DNMT1: variants seen among roughly 807,000 people sequenced by gnomAD.
The protein encoded by DNMT1 is DNA (cytosine-5)-methyltransferase 1.
In DNMT1, 24 loss-of-function variants were observed where a neutral mutation model predicts 205.3. The observed-to-expected ratio is 0.12, with a 90% CI of 0.08 to 0.16. The LOEUF is 0.16. DNMT1 is among the 10% of genes least tolerant of loss of function. The probability of loss-of-function intolerance (pLI) is 1.00; values close to 1 mark genes in which losing one functional copy is unlikely to be tolerated. For synonymous variants in DNMT1, 817 were observed against 839.8 expected, an observed-to-expected ratio of 0.97 and a Z score of 0.47; for missense variants, 1,293 against 2,177.7, an observed-to-expected ratio of 0.59 and a Z score of 8.09.
chr19:10,174,117 T>G (rs1324038100), intron 7 of DNMT1, among the ~76,000 whole-genome samples: 4 of 152,164 alleles, frequency 2.6e-5, no homozygotes, highest in Non-Finnish European at 5.9e-5. Flanking sequence ...GTCCGAGAAG[T>G]AGGCAGGCAC....
intron 12 of DNMT1, 68 bp downstream of exon 12, chr19:10,163,258 C>T: frequency 6.4e-7 from 1 of 1,573,494 alleles, no homozygotes; most frequent in Non-Finnish European, 8.7e-7. Flanking sequence ...CAAGCCACCA[C>T]ACCTGGCCTA....
chr19:10,152,160 C>CAAAAAAAACAAAA (rs2038357353), intron 22 of DNMT1, among the ~76,000 whole-genome samples: 1 of 14,334 alleles, frequency 7.0e-5, no homozygotes, highest in East Asian at 2.8e-3. Context: ...AACTCCATCT[C>CAAAAAAAACAAAA]AAAAAAAAAA....
At chr19:10,141,901 G>T in intron 30 of DNMT1, 127 bp downstream of exon 30, 1 of 1,169,432 alleles carries the variant, frequency 8.6e-7, no homozygotes, top group Non-Finnish European at 1.2e-6. Context: ...CTTCACGTCA[G>T]CCAACCACCC....
chr19:10,142,623 G>A (rs776879868), intron 29 of DNMT1, among the ~76,000 whole-genome samples: 2 of 128,778 alleles, frequency 1.6e-5, no homozygotes, highest in East Asian at 2.3e-4. Flanking sequence ...AATGACCCCC[G>A]ACCCAGTTGG....
At chr19:10,179,955 A>G (rs1317234281) in intron 5 of DNMT1, 1 of 199,500 alleles carries the variant, frequency 5.0e-6, no homozygotes, top group Admixed American at 5.7e-5. Flanking sequence ...GCGCCATTGC[A>G]CTCTATCCTG....
Position 10,140,731 on chromosome 19 carries a change from C to T in DNMT1, c.3523+50G>A, listed in dbSNP as rs781009579. On this transcript the variant is annotated intron_variant, in intron 32 of 40. Transcript: ENST00000359526. The surrounding 1 kb of genome is among the most constrained non-coding windows in gnomAD (Gnocchi z 8.4). Reference sequence around the variant, plus strand: ...TGGAAGTCGTTTCAGGTAGCACCTGCCCGGTCTGGGCTCACCAGGTATTCA... The same window carrying T: ...TGGAAGTCGTTTCAGGTAGCACCTGTCCGGTCTGGGCTCACCAGGTATTCA... 5 of 1,613,566 alleles carry T rather than the reference C, an allele frequency of 3.1e-6. No individual in the cohort carries two copies. Among genetic ancestry groups the T allele is most frequent in the Non-Finnish European group, 4.2e-6 (5 of 1,179,830 alleles).
intron 39 of DNMT1, 189 bp downstream of exon 39, chr19:10,135,547 G>A: frequency 4.6e-6 from 3 of 647,550 alleles, no homozygotes; most frequent in South Asian, 3.5e-5. Flanking sequence ...AACCAGCATA[G>A]GGACGCAGCC....
chr19:10,136,148 G>T lies in DNMT1; in HGVS notation c.4629C>A (p.Val1543=), dbSNP rs1412365080. 1 of 1,614,072 alleles carries T rather than the reference G, an allele frequency of 6.2e-7. No homozygotes were observed. The highest frequency in any genetic ancestry group is 1.7e-5 in the Admixed American group (1 of 60,024). The part of the protein sequence containing the change: ...LEWDGFFSTT[V]TNPEPMGKQG... Reference sequence around the variant, plus strand: ...GCTTGCCCATGGGCTCGGGGTTGGTGACGGTTGTGCTGAAGAAGCCGTCCC... The same window carrying T: ...GCTTGCCCATGGGCTCGGGGTTGGTTACGGTTGTGCTGAAGAAGCCGTCCC... Residue 1543 remains valine (V), a synonymous_variant, in exon 38 of 41, where the codon GTC becomes GTA. Coordinates refer to ENST00000359526, the MANE Select transcript of DNMT1 (RefSeq NM_001130823.3).
intron 13 of DNMT1, among the ~76,000 whole-genome samples, chr19:10,161,294 ACT>A (rs1325884520): frequency 1.3e-5 from 2 of 151,546 alleles, no homozygotes; most frequent in African/African-American, 2.4e-5. Flanking sequence ...GCAGAGCGAG[ACT>A]CTGTCTCAAA....
chr19:10,171,943 G>A (rs940239322), intron 9 of DNMT1, among the ~76,000 whole-genome samples: 2 of 151,448 alleles, frequency 1.3e-5, no homozygotes, highest in Non-Finnish European at 2.9e-5. Flanking sequence ...GGAGGCGGAG[G>A]TTGCAATGAG....
At position 10,137,918 on chromosome 19, in the gene DNMT1, A is replaced by C; in HGVS notation, c.4207T>G (p.Ser1403Ala). Residue 1403 changes from serine (S) to alanine (A), a missense_variant, in exon 36 of 41, where the codon TCC (serine) becomes GCC (alanine). Physicochemically the swap from Ser to Ala is moderately conservative, Grantham distance 99. Around this residue, in one of 13 missense-constraint regions of DNMT1, gnomAD observed 148 missense variants for 256.1 expected, o/e 0.58. Transcript: ENST00000359526. This position sits in a 1 kb window ranked among gnomAD's most constrained non-coding sequence, Gnocchi z 6.4. ...VRNGASALEI[S>A]YNGEPQSWFQ... is the part of the protein sequence containing the mutation. The stretch of plus-strand genomic sequence containing the variant: ...CAGGACTGAGGCTCCCCGTTGTAGG[A>C]GATCTCCAGTGCCGAGGCTCCATTC... 2.5e-6 allele frequency: 4 copies of C among 1,613,078 alleles called. No homozygotes were observed. The highest frequency in any genetic ancestry group is 3.4e-6 in the Non-Finnish European group (4 of 1,179,760).
rs1427908174 is a variant in DNMT1 at position 10,160,368 on chromosome 19, A to C, written c.1043+16T>G. On this transcript the variant is annotated intron_variant, in intron 14 of 40. Coordinates refer to ENST00000359526, the MANE Select transcript of DNMT1 (RefSeq NM_001130823.3). ...ATTACCATCTGCTTTCGATAATGTC[A>C]AGAATAAATTCTTACGGTTCTTTGG... 1.2e-6 allele frequency: 2 copies of C among 1,614,182 alleles called. No homozygotes were observed. The highest frequency in any genetic ancestry group is 1.6e-4 in the Middle Eastern group (1 of 6,062).
At chr19:10,150,034 G>T in intron 24 of DNMT1, 66 bp from the exon 25 acceptor site, 1 of 1,371,166 alleles carries the variant, frequency 7.3e-7, no homozygotes, top group Non-Finnish European at 1.0e-6. Flanking sequence ...TGACTTGCAT[G>T]GTCCTCTGTT....
chr19:10,155,099 A>C, intron 19 of DNMT1, 43 bp from the exon 20 acceptor site: 1 of 1,612,550 alleles, frequency 6.2e-7, no homozygotes, highest in Non-Finnish European at 8.5e-7. Context: ...CTGGAATCTG[A>C]TGGCGCCTAC....
In DNMT1 at chr19:10,151,898, G is replaced by A. The variant is rs1303480504; in HGVS notation, c.2020-51C>T. 2 of 1,554,378 alleles carry A rather than the reference G, an allele frequency of 1.3e-6. No individual in the cohort carries two copies. The highest frequency in any genetic ancestry group is 1.8e-6 in the Non-Finnish European group (2 of 1,126,526). On this transcript the variant is annotated intron_variant, in intron 22 of 40. Transcript: ENST00000359526. The surrounding 1 kb of genome is among the most constrained non-coding windows in gnomAD (Gnocchi z 5.0). The stretch of plus-strand genomic sequence containing the variant: ...ATCAGGGCTGGGCACAGTGGTTCAT[G>A]CCTGTAATCCCAGTATTTCAGAAGG...
chr19:10,160,191 C>T (rs901669594), intron 14 of DNMT1, 128 bp from the exon 15 acceptor site: 1 of 1,561,938 alleles, frequency 6.4e-7, no homozygotes, highest in African/African-American at 1.4e-5. Context: ...CAGTGAGGCC[C>T]AGGCGCGTGG....
At chr19:10,188,589 T>C (rs553445778) in intron 1 of DNMT1, among the ~76,000 whole-genome samples, 1 of 152,214 alleles carries the variant, frequency 6.6e-6, no homozygotes, top group Admixed American at 6.6e-5. Context: ...CCCTGGAACC[T>C]GTGAATATAT....
rs1332614824 is a variant in DNMT1, at chr19:10,194,936, G to A, written c.-37C>T. ...CAGCAGACGCGGCGGCGGCAGCGCAGGCGCCCCGGCTTTTCGCGCGGAAAC... is the reference window on the plus strand; with the variant it reads ...CAGCAGACGCGGCGGCGGCAGCGCAAGCGCCCCGGCTTTTCGCGCGGAAAC... On this transcript the variant is annotated 5_prime_UTR_variant, in exon 1 of 41. Coordinates refer to ENST00000359526, the MANE Select transcript of DNMT1 (RefSeq NM_001130823.3). The A allele has an allele frequency of 1.3e-6, 2 of 1,583,090 alleles. No homozygotes were observed. Among genetic ancestry groups the A allele is most frequent in the Non-Finnish European group, 1.7e-6 (2 of 1,165,664 alleles).
intron 6 of DNMT1, 99 bp downstream of exon 6, chr19:10,177,193 A>G (rs2038953471): frequency 3.6e-6 from 4 of 1,103,316 alleles, no homozygotes; most frequent in Non-Finnish European, 4.1e-6. Context: ...GAAAACCTAT[A>G]CAACACGGAA....
Sources: gnomAD v4.1 joint callset for allele counts (sites outside exome capture counted in the v4.1 genomes callset) on GRCh38, gnomAD v4.1.1 for gene constraint, gnomAD v4.1.1 regional missense constraint, Gnocchi (gnomAD v3.1) non-coding constraint, MANE v1.5 for transcripts, NCBI Gene and HGNC (gene_info 2026-07-23, HGNC 2026-07-21) for gene names.